The following FOXI1 variants were observed in gnomAD, a reference collection of about 807,000 sequenced individuals.
The protein encoded by FOXI1 is forkhead box I1, also known as forkhead box protein I1.
In FOXI1, 11 loss-of-function variants were observed where a neutral mutation model predicts 16.4. The ratio of observed to expected loss-of-function variants is 0.67; its 90% CI spans 0.42 to 1.11. FOXI1 has a LOEUF of 1.11. FOXI1 is among the 50% of genes least tolerant of loss of function. FOXI1 has a pLI of 0.00. For synonymous variants in FOXI1, 218 were observed against 211.5 expected, an observed-to-expected ratio of 1.03 and a Z score of -0.27; for missense variants, 480 against 506.1, an observed-to-expected ratio of 0.95 and a Z score of 0.49.
At chr5:170,107,977 T>C in intron 1 of FOXI1, 72 bp from the exon 2 acceptor site, 1 of 1,243,290 alleles carries the variant, frequency 8.0e-7, no homozygotes, top group South Asian at 1.2e-5. Flanking sequence ...TTTTAGTTTA[T>C]GACAATAAGG....
At position 170,108,275 on chromosome 5, in the gene FOXI1, G is replaced by A. The variant is rs779776953; in HGVS notation, c.801G>A (p.Arg267=). 2 of 1,614,088 alleles carry A rather than the reference G, an allele frequency of 1.2e-6. No individual in the cohort carries two copies. Among genetic ancestry groups the A allele is most frequent in the Non-Finnish European group, 1.7e-6 (2 of 1,179,996 alleles). Residue 267 remains arginine (R), a synonymous_variant, in exon 2 of 2, where the codon CGG becomes CGA. Coordinates refer to ENST00000306268, the MANE Select transcript of FOXI1 (RefSeq NM_012188.5). Reference sequence around the variant, plus strand: ...GCACCACCAGCTCCCCAGAGAAGCGGCCCTCCCCTCCCCCATCAGGCGCCC... The same window carrying A: ...GCACCACCAGCTCCCCAGAGAAGCGACCCTCCCCTCCCCCATCAGGCGCCC... The part of the protein sequence containing the change: ...PGGTTSSPEK[R]PSPPPSGAPC...
chr5:170,108,475 GGGGTGACT>G lies in FOXI1; in HGVS notation c.1005_1012del (p.Asp336GlufsTer77). 6.2e-7 allele frequency: 1 copy of G among 1,601,626 alleles called. No individual in the cohort carries two copies. The highest frequency in any genetic ancestry group is 8.5e-7 in the Non-Finnish European group (1 of 1,172,010). ...ACCAACCTCAGCAACCACAGCGGTG[GGGGTGACT>G]GGGCGAACCCCATGCCCACCAACAT... On this transcript the variant is annotated frameshift_variant, in exon 2 of 2. Transcript: ENST00000306268. LOFTEE classifies it high-confidence loss of function.
Position 170,108,179 on chromosome 5 carries a change from G to T in FOXI1, c.705G>T (p.Glu235Asp). 1 of 1,614,222 alleles carries T rather than the reference G, an allele frequency of 6.2e-7. No homozygotes were observed. Among genetic ancestry groups the T allele is most frequent in the Non-Finnish European group, 8.5e-7 (1 of 1,180,034 alleles). Residue 235 changes from glutamate (E) to aspartate (D), a missense_variant, in exon 2 of 2, where the codon GAG becomes GAT. By Grantham distance (45) the Glu-to-Asp change is conservative. Around this residue, in one of 3 missense-constraint regions of FOXI1, gnomAD observed 257 missense variants for 262.2 expected, o/e 0.98. Transcript: ENST00000306268. ...STASLALEKTESSLPVDSPKT... is the reference protein window; with the variant it reads ...STASLALEKTDSSLPVDSPKT... ...CCTCCTTGGCCTTAGAGAAGACAGA[G>T]AGCAGTCTCCCGGTGGACAGCCCCA... is the stretch of plus-strand genomic sequence containing the variant.
At chr5:170,106,584 C>G (rs1758497321) in intron 1 of FOXI1, 53 bp downstream of exon 1, 1 of 1,604,002 alleles carries the variant, frequency 6.2e-7, no homozygotes, top group Admixed American at 1.7e-5. Flanking sequence ...CACTTCCTTC[C>G]TCCCCAAGAC....
In FOXI1 at chr5:170,105,983, C is replaced by A. The variant is rs747944383; in HGVS notation, c.26C>A (p.Pro9His). ...ATGAGCTCCTTCGACCTGCCGGCGCCCTCCCCACCTCGCTGCAGCCCCCAG... is the reference window on the plus strand; with the variant it reads ...ATGAGCTCCTTCGACCTGCCGGCGCACTCCCCACCTCGCTGCAGCCCCCAG... The part of the protein sequence containing the change: MSSFDLPA[P>H]SPPRCSPQFP... Residue 9 changes from proline to histidine, a missense_variant, in exon 1 of 2, where the codon CCC becomes CAC. Pro to His is a moderately conservative substitution (Grantham distance 77). Coordinates refer to ENST00000306268, the MANE Select transcript of FOXI1 (RefSeq NM_012188.5). 1 of 1,611,370 alleles carries A rather than the reference C, an allele frequency of 6.2e-7. No homozygotes were observed. The highest frequency in any genetic ancestry group is 1.1e-5 in the South Asian group (1 of 90,878).
chr5:170,108,761 T>G lies in FOXI1; in HGVS notation c.*150T>G, dbSNP rs1398684328. ...ATCCACCCTCTTTCTAGAACACTGGTTAAGGCTTCTGTTTATCACACATAG... is the reference window on the plus strand; with the variant it reads ...ATCCACCCTCTTTCTAGAACACTGGGTAAGGCTTCTGTTTATCACACATAG... On this transcript the variant is annotated 3_prime_UTR_variant, in exon 2 of 2. Coordinates refer to ENST00000306268, the MANE Select transcript of FOXI1 (RefSeq NM_012188.5). The G allele has an allele frequency of 7.4e-6, 5 of 672,834 alleles. No individual in the cohort carries two copies. The highest frequency in any genetic ancestry group is 7.1e-5 in the African/African-American group (4 of 55,946). 41.7% of individuals were successfully genotyped at this position (672,834 alleles called of 1,614,324 possible).
intron 1 of FOXI1, among the ~76,000 whole-genome samples, chr5:170,107,505 G>A (rs1209775945): frequency 6.6e-6 from 1 of 152,184 alleles, no homozygotes; most frequent in Non-Finnish European, 1.5e-5. Flanking sequence ...GTACCTCCCA[G>A]CTGCAACGCT....
At position 170,106,630 on chromosome 5, in the gene FOXI1, C is replaced by A. The variant is rs561185667; in HGVS notation, c.574+99C>A. On this transcript the variant is annotated intron_variant, in intron 1 of 1. Coordinates refer to ENST00000306268, the MANE Select transcript of FOXI1 (RefSeq NM_012188.5). ...AAAGTTCTGACTAGGGCTGTGCCCC[C>A]CAAGACTGGGGGATGCTACCAGGCA... 3 of 1,522,182 alleles carry A rather than the reference C, an allele frequency of 2.0e-6. No homozygotes were observed. The South Asian group carries it at 3.5e-5, about 18-fold the overall frequency. 94.3% of individuals were successfully genotyped at this position (1,522,182 alleles called of 1,614,324 possible).
At chr5:170,106,677 T>A in intron 1 of FOXI1, 146 bp downstream of exon 1, 1 of 1,265,034 alleles carries the variant, frequency 7.9e-7, no homozygotes, top group Non-Finnish European at 1.1e-6. Context: ...AGCTCAGCAG[T>A]GAAGGAGAGC....
rs1758555853 is a variant in FOXI1, at chr5:170,108,277, C to T, written c.803C>T (p.Pro268Leu). The stretch of plus-strand genomic sequence containing the variant: ...ACCACCAGCTCCCCAGAGAAGCGGC[C>T]CTCCCCTCCCCCATCAGGCGCCCCT... ...GGTTSSPEKR[P>L]SPPPSGAPCL... is the part of the protein sequence containing the mutation. Residue 268 changes from proline to leucine, a missense_variant, in exon 2 of 2, where the codon CCC (proline) becomes CTC (leucine). Pro to Leu is a moderately conservative substitution (Grantham distance 98). Coordinates refer to ENST00000306268, the MANE Select transcript of FOXI1 (RefSeq NM_012188.5). 6.2e-7 allele frequency: 1 copy of T among 1,613,916 alleles called. No homozygotes were observed. Among genetic ancestry groups the T allele is most frequent in the Non-Finnish European group, 8.5e-7 (1 of 1,179,844 alleles).
At position 170,105,911 on chromosome 5, in the gene FOXI1, C is replaced by T. The variant is rs1437389464; in HGVS notation, c.-47C>T. 1.4e-6 allele frequency: 2 copies of T among 1,415,090 alleles called. No individual in the cohort carries two copies. The highest frequency in any genetic ancestry group is 2.0e-6 in the Non-Finnish European group (2 of 1,009,826). The allele number at this position is 1,415,090 out of a possible 1,614,324, so 87.7% of individuals were successfully genotyped here. On this transcript the variant is annotated 5_prime_UTR_variant, in exon 1 of 2. Transcript: ENST00000306268. ...GCTGAGCACCTGTCAGGGGCAGCTC[C>T]GGGGTGCAGGTGCCAGGCAGGTGGC...
At chr5:170,106,715 AG>A (rs1758500982) in intron 1 of FOXI1, among the ~76,000 whole-genome samples, 184 bp downstream of exon 1, 1 of 152,224 alleles carries the variant, frequency 6.6e-6, no homozygotes, top group Admixed American at 6.5e-5. Context: ...TTTGGGTTTC[AG>A]CCCTGGCTGT....
intron 1 of FOXI1, 92 bp downstream of exon 1, chr5:170,106,623 G>C: frequency 6.5e-7 from 1 of 1,547,716 alleles, no homozygotes; most frequent in East Asian, 2.4e-5. Flanking sequence ...GACTAGGGCT[G>C]TGCCCCCCAA....
chr5:170,106,513 C>T lies in FOXI1; in HGVS notation c.556C>T (p.Arg186Cys). The part of the protein sequence containing the change: ...SLNDCFKKVP[R>C]DEDDPGKGNY... Reference sequence around the variant, plus strand: ...CAACGACTGCTTCAAGAAGGTGCCCCGCGACGAGGACGACCCGGGTAAGGA... The same window carrying T: ...CAACGACTGCTTCAAGAAGGTGCCCTGCGACGAGGACGACCCGGGTAAGGA... The change falls in exon 1 of 2, where the codon CGC (arginine) becomes TGC (cysteine). Residue 186 changes from arginine (R) to cysteine (C), a missense_variant. Physicochemically the swap from Arg to Cys is radical, Grantham distance 180 (BLOSUM62 -3). This residue lies in a region of FOXI1 where 257 missense variants were observed against 262.2 expected (regional missense o/e 0.98). Coordinates refer to ENST00000306268, the MANE Select transcript of FOXI1 (RefSeq NM_012188.5). 1.2e-6 allele frequency: 2 copies of T among 1,614,188 alleles called. No homozygotes were observed. Among genetic ancestry groups the T allele is most frequent in the Non-Finnish European group, 1.7e-6 (2 of 1,180,030 alleles).
intron 1 of FOXI1, 94 bp downstream of exon 1, chr5:170,106,625 G>GC: frequency 4.5e-6 from 7 of 1,542,616 alleles, no homozygotes; most frequent in South Asian, 2.3e-5. Flanking sequence ...CTAGGGCTGT[G>GC]CCCCCCAAGA....
rs765453562 is a variant in FOXI1 at position 170,108,120 on chromosome 5, A to G, written c.646A>G (p.Arg216Gly). The G allele has an allele frequency of 3.7e-6, 6 of 1,614,050 alleles. No homozygotes were observed. The highest frequency in any genetic ancestry group is 5.1e-6 in the Non-Finnish European group (6 of 1,179,990). The change falls in exon 2 of 2, where the codon AGG (arginine) becomes GGG (glycine). Residue 216 changes from arginine (R) to glycine (G), a missense_variant. Coordinates refer to ENST00000306268, the MANE Select transcript of FOXI1 (RefSeq NM_012188.5). ...MFDNGNFRRK[R>G]KRKSDVSSST... Reference sequence around the variant, plus strand: ...CGACAATGGAAATTTCCGCAGGAAAAGGAAGAGAAAATCAGATGTTTCCTC... The same window carrying G: ...CGACAATGGAAATTTCCGCAGGAAAGGGAAGAGAAAATCAGATGTTTCCTC...
intron 1 of FOXI1, 101 bp downstream of exon 1, chr5:170,106,632 A>G: frequency 6.7e-7 from 1 of 1,502,796 alleles, no homozygotes; most frequent in Non-Finnish European, 9.1e-7. Context: ...TGTGCCCCCC[A>G]AGACTGGGGG....
Position 170,105,950 on chromosome 5 carries a change from G to T in FOXI1, c.-8G>T, listed in dbSNP as rs754169642. 1.9e-6 allele frequency: 3 copies of T among 1,604,440 alleles called. No homozygotes were observed. Among genetic ancestry groups the T allele is most frequent in the South Asian group, 1.1e-5 (1 of 90,502 alleles). ...CAGGCAGGTGGCTCCGGCCAGCCCA[G>T]CCCCAGCATGAGCTCCTTCGACCTG... On this transcript the variant is annotated 5_prime_UTR_variant, in exon 1 of 2. Transcript: ENST00000306268.
intron 1 of FOXI1, 69 bp from the exon 2 acceptor site, chr5:170,107,980 C>G (rs1758544326): frequency 7.9e-7 from 1 of 1,260,000 alleles, no homozygotes; most frequent in Admixed American, 1.7e-5. Context: ...TAGTTTATGA[C>G]AATAAGGAGG....
Sources: gnomAD v4.1 joint callset for allele counts (sites outside exome capture counted in the v4.1 genomes callset) on GRCh38, gnomAD v4.1.1 for gene constraint, gnomAD v4.1.1 regional missense constraint, MANE v1.5 for transcripts, NCBI Gene and HGNC (gene_info 2026-07-23, HGNC 2026-07-21) for gene names.